The following KIF16B variants were observed in gnomAD, a reference collection of about 807,000 sequenced individuals.
KIF16B encodes the protein kinesin-like protein KIF16B.
KIF16B carries 98 observed loss-of-function variants against 156.3 expected under a neutral mutation model. That is an observed-to-expected ratio of 0.63 (90% CI 0.53 to 0.74). The LOEUF (loss-of-function observed/expected upper bound fraction) is 0.74. Ranked by LOEUF, KIF16B falls within the 30% of genes least tolerant of loss-of-function variation. KIF16B has a pLI of 0.00. For synonymous variants in KIF16B, 564 were observed against 583.7 expected, an observed-to-expected ratio of 0.97 and a Z score of 0.49; for missense variants, 1,421 against 1,606.5, an observed-to-expected ratio of 0.88 and a Z score of 1.97.
chr20:16,479,149 C>T (rs1442009015), intron 12 of KIF16B, among the ~76,000 whole-genome samples: 2 of 152,116 alleles, frequency 1.3e-5, no homozygotes, highest in African/African-American at 2.4e-5. Flanking sequence ...ATATGGTACA[C>T]ATACACCATG....
chr20:16,307,679 G>A (rs542512652), intron 25 of KIF16B, among the ~76,000 whole-genome samples: 10 of 152,166 alleles, frequency 6.6e-5, no homozygotes, highest in Middle Eastern at 6.8e-3. Flanking sequence ...AAAGAATTGT[G>A]CTTCTATTTT....
rs561139713 is a variant in KIF16B, at chr20:16,479,344, G to A, written c.1302+14947C>T. Among the ~76,000 whole-genome samples, 13 of 152,180 alleles carry A rather than the reference G, an allele frequency of 8.5e-5. 1 individual carries two copies. The East Asian group carries it at 2.1e-3, about 25-fold the overall frequency. ...AGACACAGGGAGTGGAACAACACAC[G>A]CTGGGGACTGGAGGCGGCGGATGGG... is the stretch of plus-strand genomic sequence containing the variant. On this transcript the variant is annotated intron_variant, in intron 12 of 25. Coordinates refer to ENST00000354981, the MANE Select transcript of KIF16B (RefSeq NM_024704.5).
At chr20:16,538,460 G>A (rs1029250230) in intron 1 of KIF16B, among the ~76,000 whole-genome samples, 7 of 152,140 alleles carry the variant, frequency 4.6e-5, no homozygotes, top group African/African-American at 1.7e-4. Flanking sequence ...TGGTGAATTG[G>A]ATTTCTCAAC....
At chr20:16,554,294 C>A (rs1462558316) in intron 1 of KIF16B, among the ~76,000 whole-genome samples, 1 of 152,152 alleles carries the variant, frequency 6.6e-6, no homozygotes, top group Non-Finnish European at 1.5e-5. Flanking sequence ...AGGATTCAGC[C>A]AGACTCGAAA....
At chr20:16,556,423 T>G (rs1008247721) in intron 1 of KIF16B, among the ~76,000 whole-genome samples, 2 of 152,236 alleles carry the variant, frequency 1.3e-5, no homozygotes, top group Non-Finnish European at 2.9e-5. Flanking sequence ...CTTTGCACTC[T>G]ATATGTGGTC....
chr20:16,516,843 G>C (rs1313932828), intron 3 of KIF16B, among the ~76,000 whole-genome samples: 1 of 152,202 alleles, frequency 6.6e-6, no homozygotes, highest in African/African-American at 2.4e-5. Flanking sequence ...ATCTAAGGGG[G>C]TGTGAACCTA....
rs112511398 is a variant in KIF16B at position 16,429,911 on chromosome 20, G to A, written c.1374C>T (p.Gly458=). The change falls in exon 13 of 26, where the codon GGC becomes GGT. Residue 458 remains glycine (G), a synonymous_variant. Transcript: ENST00000354981. ...CAGTACTCAAAAGGTCATCATCGAT[G>A]CCAATCAAATGAGGCAGTTCAGAAT... is the stretch of plus-strand genomic sequence containing the variant. ...VLDSELPHLI[G]IDDDLLSTGI... is the part of the protein sequence containing the mutation. The A allele has an allele frequency of 4.3e-5, 70 of 1,612,618 alleles. 3 individuals carry two copies. In the African/African-American group the frequency reaches 4.8e-4, roughly 11 times the overall value.
chr20:16,409,956 TATATATATATATAC>T (rs1239824395), intron 15 of KIF16B, among the ~76,000 whole-genome samples: 466 of 36,760 alleles, frequency 0.013, 10 homozygotes, highest in Non-Finnish European at 0.016. Flanking sequence ...TACATATATA[TATATATATATATAC>T]ATATATATAT....
rs184755344 is a variant in KIF16B at position 16,491,046 on chromosome 20, T to C, written c.1302+3245A>G. Among the ~76,000 whole-genome samples, 129 of 152,218 alleles carry C rather than the reference T, an allele frequency of 8.5e-4. 1 individual carries two copies. Among genetic ancestry groups the C allele is most frequent in the Non-Finnish European group, 4.6e-4 (31 of 68,016 alleles). On this transcript the variant is annotated intron_variant, in intron 12 of 25. Transcript: ENST00000354981. ...CTGTGGCAGAAGCAAAACCAAATACTGCAGAAGCACAAAGGAAAAGAAAAT... is the reference window on the plus strand; with the variant it reads ...CTGTGGCAGAAGCAAAACCAAATACCGCAGAAGCACAAAGGAAAAGAAAAT...
At chr20:16,309,042 A>T (rs1032530525) in intron 25 of KIF16B, among the ~76,000 whole-genome samples, 8 of 152,242 alleles carry the variant, frequency 5.3e-5, no homozygotes, top group African/African-American at 1.7e-4. Flanking sequence ...TGCCCACAAC[A>T]TGCACAGTTA....
intron 3 of KIF16B, among the ~76,000 whole-genome samples, chr20:16,522,075 T>C (rs951567589): frequency 2.6e-5 from 4 of 152,122 alleles, no homozygotes; most frequent in African/African-American, 9.7e-5. Flanking sequence ...ACATACCAAA[T>C]TGTAAAGACC....
At chr20:16,565,547 G>A (rs74667423) in intron 1 of KIF16B, among the ~76,000 whole-genome samples, 3,619 of 152,196 alleles carry the variant, frequency 0.024, 66 homozygotes, top group Non-Finnish European at 0.035. Flanking sequence ...CCAGTCACTC[G>A]GCTAGCCCAC....
chr20:16,446,051 G>A (rs998254935), intron 12 of KIF16B, among the ~76,000 whole-genome samples: 9 of 152,168 alleles, frequency 5.9e-5, no homozygotes, highest in African/African-American at 2.2e-4. Flanking sequence ...CAGCCTATGA[G>A]AGTGCAGAAG....
At chr20:16,542,378 A>G (rs796276064) in intron 1 of KIF16B, among the ~76,000 whole-genome samples, 2 of 152,344 alleles carry the variant, frequency 1.3e-5, no homozygotes, top group African/African-American at 4.8e-5. Context: ...CAGTGCAGGA[A>G]TAAAATGGTA....
intron 25 of KIF16B, among the ~76,000 whole-genome samples, chr20:16,277,877 C>CT (rs1173389038): frequency 1.3e-5 from 2 of 152,196 alleles, no homozygotes; most frequent in African/African-American, 4.8e-5. Flanking sequence ...ATTTAAATCT[C>CT]TAGCACGTCA....
chr20:16,468,116 T>C (rs2067547032), intron 12 of KIF16B, among the ~76,000 whole-genome samples: 2 of 152,078 alleles, frequency 1.3e-5, no homozygotes, highest in African/African-American at 2.4e-5. Context: ...CCCAACTGTC[T>C]ATATAAAAAA....
At chr20:16,285,693 T>C (rs928809382) in intron 25 of KIF16B, among the ~76,000 whole-genome samples, 3 of 152,158 alleles carry the variant, frequency 2.0e-5, no homozygotes, top group Non-Finnish European at 2.9e-5. Flanking sequence ...GTGGTGCACC[T>C]GTAGTTCCAG....
At chr20:16,359,041 T>C (rs2064499589) in intron 22 of KIF16B, among the ~76,000 whole-genome samples, 1 of 152,258 alleles carries the variant, frequency 6.6e-6, no homozygotes, top group Non-Finnish European at 1.5e-5. Flanking sequence ...TTGATGTTTC[T>C]ACTCTAGATG....
chr20:16,465,120 A>G (rs2067453752), intron 12 of KIF16B, among the ~76,000 whole-genome samples: 1 of 152,224 alleles, frequency 6.6e-6, no homozygotes. Context: ...GGAGGCCTCA[A>G]GTGGATTAAT....
Sources: gnomAD v4.1 joint callset for allele counts (sites outside exome capture counted in the v4.1 genomes callset) on GRCh38, gnomAD v4.1.1 for gene constraint, MANE v1.5 for transcripts, NCBI Gene and HGNC (gene_info 2026-07-23, HGNC 2026-07-21) for gene names.